Variants in NXNL2 observed in about 807,000 individuals in gnomAD.
NXNL2 encodes nucleoredoxin like 2.
A neutral mutation model predicts 11.1 loss-of-function variants in NXNL2; 7 were observed. That is an observed-to-expected ratio of 0.63 (90% CI 0.36 to 1.18). The LOEUF is 1.18. NXNL2 is among the 50% of genes most tolerant of loss of function. The pLI, the probability that NXNL2 is intolerant of heterozygous loss-of-function variation, is 0.02. For synonymous variants in NXNL2, 109 were observed against 101.8 expected (o/e 1.07, Z -0.42); for missense variants, 233 against 217.7 (o/e 1.07, Z -0.44).
intron 1 of NXNL2, among the ~76,000 whole-genome samples, chr9:88,565,690 A>G (rs1044107360): frequency 6.6e-6 from 1 of 152,080 alleles, no homozygotes; most frequent in African/African-American, 2.4e-5. Flanking sequence ...GGTGCGGGAC[A>G]CCACACCTGG....
At chr9:88,542,578 C>T (rs1046055375) in intron 1 of NXNL2, among the ~76,000 whole-genome samples, 6 of 152,200 alleles carry the variant, frequency 3.9e-5, no homozygotes, top group East Asian at 2.0e-4. Context: ...ATGTGCCACC[C>T]GCACCCGGCC....
At chr9:88,565,261 C>T (rs912966636) in intron 1 of NXNL2, among the ~76,000 whole-genome samples, 2 of 152,106 alleles carry the variant, frequency 1.3e-5, no homozygotes, top group Admixed American at 6.5e-5. Flanking sequence ...ATTCATCTGT[C>T]GATGGACATG....
At chr9:88,550,066 C>T (rs1008006736) in intron 1 of NXNL2, among the ~76,000 whole-genome samples, 10 of 152,154 alleles carry the variant, frequency 6.6e-5, no homozygotes. Context: ...AATCTGCCCA[C>T]CTCGGCCTCC....
At chr9:88,570,356 G>A (rs375306660) in intron 1 of NXNL2, among the ~76,000 whole-genome samples, 4 of 152,268 alleles carry the variant, frequency 2.6e-5, no homozygotes, top group African/African-American at 9.6e-5. Flanking sequence ...GACCTCAAGC[G>A]ATCCCCATGC....
chr9:88,556,809 G>A (rs1025716109), intron 1 of NXNL2, among the ~76,000 whole-genome samples: 3 of 152,036 alleles, frequency 2.0e-5, no homozygotes, highest in South Asian at 2.1e-4. Context: ...AGGTGCAAGC[G>A]GCTCACACCT....
intron 1 of NXNL2, among the ~76,000 whole-genome samples, chr9:88,583,619 G>A (rs1052844023): frequency 6.6e-6 from 1 of 152,176 alleles, no homozygotes; most frequent in Non-Finnish European, 1.5e-5. Context: ...GCTAGACTTT[G>A]GTCGTGGTGG....
chr9:88,558,302 G>A (rs778319275), intron 1 of NXNL2, among the ~76,000 whole-genome samples: 24 of 152,158 alleles, frequency 1.6e-4, no homozygotes, highest in Admixed American at 7.9e-4. Flanking sequence ...GGAGTTTCTG[G>A]CTAGCTGAAC....
At chr9:88,582,923 C>T (rs1830424854) in intron 1 of NXNL2, among the ~76,000 whole-genome samples, 1 of 152,216 alleles carries the variant, frequency 6.6e-6, no homozygotes, top group African/African-American at 2.4e-5. Flanking sequence ...CCGCCTTGGC[C>T]TCCCAAAGTG....
chr9:88,545,333 G>A (rs531962420), downstream of NXNL2, among the ~76,000 whole-genome samples: 3 of 152,112 alleles, frequency 2.0e-5, no homozygotes, highest in Non-Finnish European at 2.9e-5. Context: ...TCTTGCTGGC[G>A]GTCTTTCCTG....
intron 1 of NXNL2, among the ~76,000 whole-genome samples, chr9:88,565,597 G>T (rs147276329): frequency 6.6e-6 from 1 of 152,092 alleles, no homozygotes; most frequent in Non-Finnish European, 1.5e-5. Context: ...GAGTGCAGTG[G>T]CATGATCTTG....
chr9:88,576,666 TTG>T (rs1451241408), downstream of NXNL2, among the ~76,000 whole-genome samples: 4 of 152,060 alleles, frequency 2.6e-5, no homozygotes, highest in Admixed American at 6.5e-5. Flanking sequence ...GAAGGACAAC[TTG>T]TGTCTTCTTG....
chr9:88,560,709 G>T (rs1311471012), intron 1 of NXNL2, among the ~76,000 whole-genome samples: 1 of 152,110 alleles, frequency 6.6e-6, no homozygotes, highest in Non-Finnish European at 1.5e-5. Context: ...TTGAGTCCAA[G>T]TCTAGCCTGG....
At chr9:88,562,203 T>C (rs1410831474) in intron 1 of NXNL2, among the ~76,000 whole-genome samples, 3 of 152,104 alleles carry the variant, frequency 2.0e-5, no homozygotes, top group Non-Finnish European at 4.4e-5. Flanking sequence ...TATGTTTCCA[T>C]TGATAGAAAA....
chr9:88,542,013 G>A (rs572829940), intron 1 of NXNL2, among the ~76,000 whole-genome samples: 8 of 151,954 alleles, frequency 5.3e-5, no homozygotes, highest in Middle Eastern at 6.8e-3. Flanking sequence ...GGCGGATCAC[G>A]AGGTCAGGAG....
intron 1 of NXNL2, 22 bp downstream of exon 1, chr9:88,535,758 G>A: frequency 2.0e-6 from 3 of 1,525,570 alleles, no homozygotes; most frequent in East Asian, 2.3e-5. Flanking sequence ...TCCTGGGGGG[G>A]CGGGGGCCGC....
chr9:88,571,876 G>A (rs1458922486), intron 2 of NXNL2, among the ~76,000 whole-genome samples: 4 of 152,120 alleles, frequency 2.6e-5, no homozygotes, highest in East Asian at 1.9e-4. Context: ...TCAGCCAGGA[G>A]AGCCAGGACC....
chr9:88,542,695 G>A (rs1829784923), intron 1 of NXNL2, among the ~76,000 whole-genome samples: 1 of 152,084 alleles, frequency 6.6e-6, no homozygotes, highest in Non-Finnish European at 1.5e-5. Context: ...TTTGTGACTT[G>A]AGAACATGAT....
At chr9:88,572,036 G>A (rs928264193) in intron 2 of NXNL2, among the ~76,000 whole-genome samples, 2 of 152,130 alleles carry the variant, frequency 1.3e-5, no homozygotes, top group Non-Finnish European at 1.5e-5. Flanking sequence ...CAAGGCTGAG[G>A]AGCACGTGCC....
At chr9:88,574,629 C>T (rs1046243874) in intron 2 of NXNL2, among the ~76,000 whole-genome samples, 11 of 152,136 alleles carry the variant, frequency 7.2e-5, no homozygotes, top group African/African-American at 2.4e-4. Context: ...TCTGTCTGTC[C>T]TTTGTCCACA....
Sources: allele counts gnomAD v4.1 joint callset (sites outside exome capture counted in the v4.1 genomes callset), GRCh38; gene constraint gnomAD v4.1.1; transcripts MANE v1.5; gene names NCBI Gene and HGNC (gene_info 2026-07-23, HGNC 2026-07-21).